The following MCM9 variants were observed in gnomAD, a reference collection of about 807,000 sequenced individuals.
MCM9 encodes DNA helicase MCM9.
A neutral mutation model predicts 72.8 loss-of-function variants in MCM9; 55 were observed. The observed-to-expected ratio is 0.76, with a 90% CI of 0.61 to 0.95. The LOEUF is 0.95. MCM9 is among the 40% of genes least tolerant of loss of function. The pLI, the probability that MCM9 is intolerant of heterozygous loss-of-function variation, is 0.00. For synonymous variants in MCM9, 480 were observed against 503.4 expected (o/e 0.95, Z 0.62); for missense variants, 1,279 against 1,377.0 (o/e 0.93, Z 1.13).
intron 8 of MCM9, among the ~76,000 whole-genome samples, chr6:118,863,940 T>C (rs1346265752): frequency 6.6e-6 from 1 of 151,450 alleles, no homozygotes; most frequent in Non-Finnish European, 1.5e-5. Flanking sequence ...TCCACCTCTA[T>C]CAATAATCAC....
At chr6:118,894,335 C>G in intron 8 of MCM9, 1 of 1,529,292 alleles carries the variant, frequency 6.5e-7, no homozygotes, top group Non-Finnish European at 8.8e-7. Context: ...GGGGTCTGCG[C>G]TCTCCCGAGC....
At chr6:118,921,819 T>C (rs1781454515) in intron 5 of MCM9, 186 bp downstream of exon 5, 2 of 493,068 alleles carry the variant, frequency 4.1e-6, no homozygotes, top group African/African-American at 2.0e-5. Flanking sequence ...CTAGCTGCTG[T>C]TGTATAGATC....
chr6:118,917,313 T>C (rs1781044231), intron 6 of MCM9, among the ~76,000 whole-genome samples: 1 of 152,202 alleles, frequency 6.6e-6, no homozygotes, highest in Non-Finnish European at 1.5e-5. Context: ...TGAAATTGTT[T>C]TGGCAGTGTA....
At chr6:118,850,986 T>C (rs2114662204) in intron 9 of MCM9, among the ~76,000 whole-genome samples, 1 of 151,644 alleles carries the variant, frequency 6.6e-6, no homozygotes, top group East Asian at 1.9e-4. Flanking sequence ...ACTTGGCTGT[T>C]TTTTTGTTTT....
In MCM9 at chr6:118,817,415, T is replaced by C. The variant is rs1003375649; in HGVS notation, c.1962-1121A>G. ...TTGGTTTTCTGTTCCTGTGTTAGTTTGCTGAGAATGATGGTTTCCAGCTTC... is the reference window on the plus strand; with the variant it reads ...TTGGTTTTCTGTTCCTGTGTTAGTTCGCTGAGAATGATGGTTTCCAGCTTC... On this transcript the variant is annotated intron_variant, in intron 13 of 13. Coordinates refer to ENST00000619706, the MANE Select transcript of MCM9 (RefSeq NM_017696.3). 3.9e-5 allele frequency among the ~76,000 whole-genome samples: 6 copies of C among 152,266 alleles called. No individual in the cohort carries two copies. In the East Asian group the frequency reaches 7.7e-4, roughly 20 times the overall value.
chr6:118,847,397 C>T (rs796347736), intron 9 of MCM9, among the ~76,000 whole-genome samples: 12 of 118,300 alleles, frequency 1.0e-4, no homozygotes, highest in African/African-American at 3.6e-4. Context: ...ATGTAACAAA[C>T]ATGCTCATGT....
chr6:118,900,946 T>C (rs1272933871), intron 8 of MCM9: 1 of 1,128,898 alleles, frequency 8.9e-7, no homozygotes, highest in Non-Finnish European at 1.4e-6. Flanking sequence ...TTATCTATTA[T>C]CTTATAACCC....
chr6:118,866,284 C>T (rs751421882), intron 8 of MCM9, among the ~76,000 whole-genome samples: 1 of 152,126 alleles, frequency 6.6e-6, no homozygotes, highest in Admixed American at 6.5e-5. Context: ...ATCTAATACA[C>T]AGAAACCAAA....
intron 8 of MCM9, among the ~76,000 whole-genome samples, chr6:118,890,822 T>TA (rs770296405): frequency 3.8e-4 from 58 of 152,194 alleles, no homozygotes; most frequent in Non-Finnish European, 6.9e-4. Context: ...AAGACCATAT[T>TA]AAAACAAGCC....
rs1249335018 is a variant in MCM9, at chr6:118,934,942, C to T, written c.-201G>A. The T allele has an allele frequency of 6.6e-6, 1 of 152,352 alleles. No homozygotes were observed. The highest frequency in any genetic ancestry group is 1.9e-4 in the East Asian group (1 of 5,172). 9.4% of individuals were successfully genotyped at this position (152,352 alleles called of 1,614,324 possible). ...GCGTTGCTCCCGAGGCCGAAGGGCC[C>T]AGAGAGCTCCAGCCAGGCAGCGGGT... On this transcript the variant is annotated 5_prime_UTR_variant, in exon 1 of 14. Coordinates refer to ENST00000619706, the MANE Select transcript of MCM9 (RefSeq NM_017696.3).
At chr6:118,830,106 TTAGA>T (rs908801128) in intron 9 of MCM9, among the ~76,000 whole-genome samples, 1 of 152,154 alleles carries the variant, frequency 6.6e-6, no homozygotes, top group African/African-American at 2.4e-5. Context: ...GTGACATAAC[TTAGA>T]TATTGTTTTT....
At chr6:118,927,892 T>C (rs558509668) in intron 3 of MCM9, among the ~76,000 whole-genome samples, 46 of 152,288 alleles carry the variant, frequency 3.0e-4, no homozygotes, top group African/African-American at 1.0e-3. Context: ...GAGCAATACA[T>C]AATGAAGGCC....
chr6:118,871,464 G>C (rs1206441328), intron 8 of MCM9, among the ~76,000 whole-genome samples: 2 of 152,202 alleles, frequency 1.3e-5, no homozygotes, highest in Non-Finnish European at 2.9e-5. Flanking sequence ...GTTAGGGGTA[G>C]AAGGATGTTC....
intron 8 of MCM9, among the ~76,000 whole-genome samples, chr6:118,898,724 T>C (rs570278914): frequency 6.6e-6 from 1 of 152,356 alleles, no homozygotes; most frequent in East Asian, 1.9e-4. Context: ...AGCCACTCTA[T>C]GTGATAATTC....
Position 118,905,531 on chromosome 6 carries a change from AT to A in MCM9, c.1150+6118del. Reference sequence around the variant, plus strand: ...AATGAGCATTTTCCTTCCCAGTATGATTTCCAAGTTTTTCTTGTTGCATCCT... The same window carrying A: ...AATGAGCATTTTCCTTCCCAGTATGATTCCAAGTTTTTCTTGTTGCATCCT... On this transcript the variant is annotated intron_variant, in intron 8 of 13. Transcript: ENST00000619706. 4.4e-6 allele frequency: 3 copies of A among 684,898 alleles called. No homozygotes were observed. In the South Asian group the frequency reaches 8.3e-5, roughly 19 times the overall value. The allele number at this position is 684,898 out of a possible 1,614,324, so 42.4% of individuals were successfully genotyped here.
intron 8 of MCM9, among the ~76,000 whole-genome samples, chr6:118,864,516 G>A (rs140688788): frequency 5.3e-5 from 8 of 152,068 alleles, no homozygotes; most frequent in Non-Finnish European, 1.0e-4. Context: ...TTCCCTCCGA[G>A]AGAAAGTCAG....
At chr6:118,857,819 A>G (rs1367481427) in intron 8 of MCM9, among the ~76,000 whole-genome samples, 3 of 152,290 alleles carry the variant, frequency 2.0e-5, no homozygotes, top group East Asian at 1.9e-4. Context: ...AAAAAGGAAC[A>G]GATAACTTCC....
intron 7 of MCM9, chr6:118,911,992 T>A (rs1008084852): frequency 1.1e-5 from 4 of 368,322 alleles, no homozygotes; most frequent in Admixed American, 4.4e-5. Flanking sequence ...TATGTGCTAT[T>A]TCCAGATGTT....
chr6:118,860,995 C>T (rs369756384), intron 8 of MCM9, among the ~76,000 whole-genome samples: 9 of 152,310 alleles, frequency 5.9e-5, no homozygotes, highest in Middle Eastern at 6.8e-3. Context: ...CAGCAGGCTG[C>T]GCTTGGCTCA....
Sources: gnomAD v4.1 joint callset for allele counts (sites outside exome capture counted in the v4.1 genomes callset) on GRCh38, gnomAD v4.1.1 for gene constraint, MANE v1.5 for transcripts, NCBI Gene and HGNC (gene_info 2026-07-23, HGNC 2026-07-21) for gene names.